BTBD9: variants seen among roughly 807,000 people sequenced by gnomAD.
The protein encoded by BTBD9 is BTB/POZ domain-containing protein 9.
A neutral mutation model predicts 64.3 loss-of-function variants in BTBD9; 49 were observed. That is an observed-to-expected ratio of 0.76 (90% CI 0.61 to 0.97). BTBD9 has a LOEUF of 0.97. Among genes scored for constraint, BTBD9 ranks in the 50% least tolerant of loss-of-function variants. The probability of loss-of-function intolerance (pLI) is 0.00; values close to 1 mark genes in which losing one functional copy is unlikely to be tolerated. For missense variants in BTBD9, 598 were observed against 762.1 expected (o/e 0.78, Z 2.53); for synonymous variants, 260 against 274.7 (o/e 0.95, Z 0.53).
intron 6 of BTBD9, among the ~76,000 whole-genome samples, chr6:38,431,365 T>C (rs1483139616): frequency 6.6e-6 from 1 of 152,202 alleles, no homozygotes. Context: ...TTTAAGTGCT[T>C]CAGGGCATTA....
intron 6 of BTBD9, among the ~76,000 whole-genome samples, chr6:38,472,286 G>A (rs1042099706): frequency 7.2e-5 from 11 of 152,154 alleles, no homozygotes; most frequent in African/African-American, 2.4e-4. Context: ...ATTTTTAGAT[G>A]GATGGAGCCT....
intron 9 of BTBD9, among the ~76,000 whole-genome samples, chr6:38,203,137 CAGTT>C (rs933405574): frequency 3.9e-5 from 6 of 152,030 alleles, no homozygotes; most frequent in Non-Finnish European, 7.4e-5. Context: ...CATCTTACCT[CAGTT>C]AGAATGCTAT....
intron 7 of BTBD9, among the ~76,000 whole-genome samples, chr6:38,302,931 T>G (rs750540013): frequency 6.6e-6 from 1 of 152,170 alleles, no homozygotes; most frequent in Non-Finnish European, 1.5e-5. Flanking sequence ...CATTGGCCAT[T>G]TGTATGTCTT....
intron 6 of BTBD9, among the ~76,000 whole-genome samples, chr6:38,398,065 T>C (rs9296249): frequency 0.3 from 46,355 of 152,008 alleles, 7,702 homozygotes; most frequent in East Asian, 0.52. Context: ...TTGGACTTTA[T>C]GCCATAGGTG....
intron 6 of BTBD9, among the ~76,000 whole-genome samples, chr6:38,360,037 T>C (rs1764888067): frequency 6.6e-6 from 1 of 152,220 alleles, no homozygotes; most frequent in African/African-American, 2.4e-5. Flanking sequence ...GCTAACAATT[T>C]ACAAGACAAA....
At chr6:38,552,498 G>C (rs1435604686) in intron 6 of BTBD9, among the ~76,000 whole-genome samples, 1 of 152,056 alleles carries the variant, frequency 6.6e-6, no homozygotes, top group African/African-American at 2.4e-5. Flanking sequence ...AATAAAAATG[G>C]GCCGGGCACA....
chr6:38,553,581 T>C (rs913074609), intron 6 of BTBD9, among the ~76,000 whole-genome samples: 3 of 152,178 alleles, frequency 2.0e-5, no homozygotes, highest in African/African-American at 7.2e-5. Flanking sequence ...TTCTAGACAA[T>C]GTAGGATACT....
chr6:38,359,353 A>G (rs1764863057), intron 6 of BTBD9, among the ~76,000 whole-genome samples: 1 of 151,280 alleles, frequency 6.6e-6, no homozygotes, highest in African/African-American at 2.4e-5. Context: ...CAACCCTAAC[A>G]CTCTTCAGTC....
intron 1 of BTBD9, among the ~76,000 whole-genome samples, chr6:38,635,847 T>C (rs896383732): frequency 6.6e-6 from 1 of 152,138 alleles, no homozygotes; most frequent in African/African-American, 2.4e-5. Context: ...TGTGCTGCCA[T>C]TATGAAACAT....
intron 6 of BTBD9, among the ~76,000 whole-genome samples, chr6:38,533,569 A>T (rs942653256): frequency 2.6e-5 from 4 of 152,230 alleles, no homozygotes; most frequent in Non-Finnish European, 5.9e-5. Context: ...AGAAAATTTC[A>T]TCCAATGGCT....
rs1766681726 is a variant in BTBD9, at chr6:38,169,854, T to C, written c.*5131A>G. 6.6e-6 allele frequency: 1 copy of C among 150,562 alleles called. No homozygotes were observed. Among genetic ancestry groups the C allele is most frequent in the Admixed American group, 6.7e-5 (1 of 15,022 alleles). The allele number at this position is 150,562 out of a possible 1,614,324, so 9.3% of individuals were successfully genotyped here. A position where few individuals can be genotyped will look rare whatever the true frequency, so the allele number is the denominator to read the frequency against. On this transcript the variant is annotated 3_prime_UTR_variant, in exon 11 of 11. Coordinates refer to ENST00000481247, the MANE Select transcript of BTBD9 (RefSeq NM_001099272.2). ...ATCATAAATTACAGGTGGATGATTG[T>C]GAGTCTTCAGGCCATGAGGCCTCTT...
At chr6:38,342,710 T>A (rs1466103856) in intron 7 of BTBD9, among the ~76,000 whole-genome samples, 1 of 151,998 alleles carries the variant, frequency 6.6e-6, no homozygotes, top group African/African-American at 2.4e-5. Flanking sequence ...CATCTGCAAT[T>A]TAAAAATAAC....
At chr6:38,265,328 A>ATTAT (rs938505809) in intron 8 of BTBD9, among the ~76,000 whole-genome samples, 3 of 151,976 alleles carry the variant, frequency 2.0e-5, no homozygotes, top group Non-Finnish European at 2.9e-5. Flanking sequence ...ATATAGTATA[A>ATTAT]TTATTTATTT....
At chr6:38,507,850 T>A (rs1270896057) in intron 6 of BTBD9, among the ~76,000 whole-genome samples, 1 of 150,230 alleles carries the variant, frequency 6.7e-6, no homozygotes, top group African/African-American at 2.5e-5. Flanking sequence ...TTTTTTTTTT[T>A]TGAGACGGAG....
intron 6 of BTBD9, chr6:38,402,741 T>C (rs1766991435): frequency 1.4e-6 from 1 of 695,700 alleles, no homozygotes; most frequent in Non-Finnish European, 2.6e-6. Context: ...TATGTTATCA[T>C]AACCTTAGAT....
intron 6 of BTBD9, among the ~76,000 whole-genome samples, chr6:38,464,684 T>TG (rs1770262154): frequency 6.6e-6 from 1 of 152,072 alleles, no homozygotes; most frequent in Non-Finnish European, 1.5e-5. Flanking sequence ...TTAGTAGAGA[T>TG]GGGGTTTCAC....
rs1298654678 is a variant in BTBD9 at position 38,184,115 on chromosome 6, T to C, written c.1641+8404A>G. 2.0e-5 allele frequency among the ~76,000 whole-genome samples: 3 copies of C among 152,206 alleles called. No individual in the cohort carries two copies. Among genetic ancestry groups the C allele is most frequent in the Non-Finnish European group, 4.4e-5 (3 of 68,026 alleles). On this transcript the variant is annotated intron_variant, in intron 10 of 10. Coordinates refer to ENST00000481247, the MANE Select transcript of BTBD9 (RefSeq NM_001099272.2). This position sits in a 1 kb window ranked among gnomAD's most constrained non-coding sequence, Gnocchi z 4.4. The stretch of plus-strand genomic sequence containing the variant: ...TCCACCCACAGTCCCTGCAGCCTGT[T>C]GTATGAGATGCTGTGTTTGCTTACC...
At chr6:38,176,450 TAGAG>T (rs894898047) in intron 10 of BTBD9, among the ~76,000 whole-genome samples, 1 of 152,042 alleles carries the variant, frequency 6.6e-6, no homozygotes, top group African/African-American at 2.4e-5. Context: ...CATTTTCTCT[TAGAG>T]GGAGCTGATT....
intron 6 of BTBD9, among the ~76,000 whole-genome samples, chr6:38,371,340 A>G (rs1265308661): frequency 1.3e-5 from 2 of 152,240 alleles, no homozygotes; most frequent in Non-Finnish European, 2.9e-5. Context: ...AAGTGTTCCA[A>G]CAATCAGGCA....
Sources: gnomAD v4.1 joint callset for allele counts (sites outside exome capture counted in the v4.1 genomes callset) on GRCh38, gnomAD v4.1.1 for gene constraint, Gnocchi (gnomAD v3.1) non-coding constraint, MANE v1.5 for transcripts, NCBI Gene and HGNC (gene_info 2026-07-23, HGNC 2026-07-21) for gene names.